The following CDADC1 variants were observed in gnomAD, a reference collection of about 807,000 sequenced individuals.
CDADC1 encodes the protein dCTP deaminase.
A neutral mutation model predicts 54.9 loss-of-function variants in CDADC1; 39 were observed. That is an observed-to-expected ratio of 0.71 (90% confidence interval 0.55 to 0.93). The LOEUF (loss-of-function observed/expected upper bound fraction) is 0.93. CDADC1 is among the 40% of genes least tolerant of loss of function. The pLI is 0.00. For synonymous variants in CDADC1, 186 were observed against 204.0 expected, an observed-to-expected ratio of 0.91 and a Z score of 0.75; for missense variants, 518 against 618.8, an observed-to-expected ratio of 0.84 and a Z score of 1.73.
At chr13:49,261,335 A>G (rs951323199) in intron 4 of CDADC1, among the ~76,000 whole-genome samples, 2 of 152,194 alleles carry the variant, frequency 1.3e-5, no homozygotes, top group South Asian at 2.1e-4. Flanking sequence ...ATTGGATTCT[A>G]TATTCTCAAC....
At chr13:49,280,153 G>GTATTCT (rs1202481017) in intron 7 of CDADC1, among the ~76,000 whole-genome samples, 2 of 152,110 alleles carry the variant, frequency 1.3e-5, no homozygotes, top group East Asian at 3.9e-4. Context: ...TCTAATTCCA[G>GTATTCT]TATTCTAAAC....
At position 49,255,893 on chromosome 13, in the gene CDADC1, G is replaced by A; in HGVS notation, c.232G>A (p.Val78Ile). ...PLGDNEERTR[V>I]STDKRQVKRT... ...AGGAGATAATGAAGAGAGGACCAGAGTATCTACTGACAAAAGACAGGTAAA... is the reference window on the plus strand; with the variant it reads ...AGGAGATAATGAAGAGAGGACCAGAATATCTACTGACAAAAGACAGGTAAA... Residue 78 changes from valine to isoleucine, a missense_variant, in exon 3 of 10, where the codon GTA (valine) becomes ATA (isoleucine). Physicochemically the swap from Val to Ile is conservative, Grantham distance 29 (BLOSUM62 3). Transcript: ENST00000251108. 1 of 1,611,290 alleles carries A rather than the reference G, an allele frequency of 6.2e-7. No homozygotes were observed. Among genetic ancestry groups the A allele is most frequent in the Non-Finnish European group, 8.5e-7 (1 of 1,179,162 alleles).
chr13:49,255,901 TGACAAA>T lies in CDADC1; in HGVS notation c.241_246del (p.Asp81_Lys82del). The T allele has an allele frequency of 6.2e-7, 1 of 1,611,156 alleles. No individual in the cohort carries two copies. Among genetic ancestry groups the T allele is most frequent in the Non-Finnish European group, 8.5e-7 (1 of 1,179,122 alleles). ...ATGAAGAGAGGACCAGAGTATCTAC[TGACAAA>T]AGACAGGTAAATTTTTATGATTTCA... On this transcript the variant is annotated inframe_deletion, in exon 3 of 10. Coordinates refer to ENST00000251108, the MANE Select transcript of CDADC1 (RefSeq NM_030911.4).
intron 5 of CDADC1, among the ~76,000 whole-genome samples, chr13:49,271,992 A>G (rs1381707381): frequency 6.6e-6 from 1 of 152,238 alleles, no homozygotes; most frequent in Non-Finnish European, 1.5e-5. Context: ...GACAAGTAGT[A>G]AAGAATATTC....
intron 2 of CDADC1, among the ~76,000 whole-genome samples, chr13:49,253,895 C>T (rs1952487047): frequency 6.6e-6 from 1 of 152,112 alleles, no homozygotes; most frequent in African/African-American, 2.4e-5. Flanking sequence ...TAAAGGCCCT[C>T]ACTGTACTTT....
chr13:49,261,521 G>A (rs1185188982), intron 4 of CDADC1, among the ~76,000 whole-genome samples: 3 of 152,206 alleles, frequency 2.0e-5, no homozygotes, highest in Admixed American at 6.5e-5. Context: ...AAGATGTAAC[G>A]TGATTGAAAT....
chr13:49,289,130 T>C (rs1479180396), intron 9 of CDADC1, among the ~76,000 whole-genome samples: 3 of 136,136 alleles, frequency 2.2e-5, no homozygotes, highest in Admixed American at 2.2e-4. Flanking sequence ...CTTTTTTTTT[T>C]TTTTTTTTTT....
At chr13:49,275,258 G>C (rs1953075369) in intron 6 of CDADC1, among the ~76,000 whole-genome samples, 1 of 151,660 alleles carries the variant, frequency 6.6e-6, no homozygotes, top group Non-Finnish European at 1.5e-5. Context: ...GCTCATTTTT[G>C]TATTTTTAGT....
At chr13:49,285,816 ATTT>A (rs144057270) in intron 8 of CDADC1, among the ~76,000 whole-genome samples, 3 of 144,500 alleles carry the variant, frequency 2.1e-5, no homozygotes, top group African/African-American at 7.6e-5. Flanking sequence ...TATTTTTTTA[ATTT>A]TTTTTTTTTT....
At position 49,255,822 on chromosome 13, in the gene CDADC1, A is replaced by G. The variant is rs549446970; in HGVS notation, c.178-17A>G. ...TATGTGCTAATCTTTTTTTTTCCTT[A>G]ATCTGATTTTTATTAGAAAAATGAA... is the stretch of plus-strand genomic sequence containing the variant. On this transcript the variant is annotated splice_polypyrimidine_tract_variant and intron_variant, in intron 2 of 9. Coordinates refer to ENST00000251108, the MANE Select transcript of CDADC1 (RefSeq NM_030911.4). The G allele has an allele frequency of 6.2e-7, 1 of 1,604,090 alleles. No homozygotes were observed. The highest frequency in any genetic ancestry group is 1.7e-5 in the Admixed American group (1 of 57,782).
At chr13:49,259,310 A>G (rs757638434) in intron 3 of CDADC1, 36 bp from the exon 4 acceptor site, 1 of 1,424,742 alleles carries the variant, frequency 7.0e-7, no homozygotes, top group East Asian at 2.3e-5. Flanking sequence ...ATTAGGTGTT[A>G]TAACTAATAA....
Position 49,278,449 on chromosome 13 carries a change from A to C in CDADC1, c.1150A>C (p.Lys384Gln), listed in dbSNP as rs1417863776. Residue 384 changes from lysine (K) to glutamine (Q), a missense_variant, in exon 7 of 10, where the codon AAG becomes CAG. By Grantham distance (53) the Lys-to-Gln change is moderately conservative. Transcript: ENST00000251108. Reference protein sequence around the residue: ...EYADFPHMDDKQKDREIRKFR... With the variant: ...EYADFPHMDDQQKDREIRKFR... ...TGCTGACTTCCCACACATGGATGAC[A>C]AGCAGAAAGACAGAGAAATAAGGAA... 6.2e-7 allele frequency: 1 copy of C among 1,604,950 alleles called. No homozygotes were observed. The highest frequency in any genetic ancestry group is 8.5e-7 in the Non-Finnish European group (1 of 1,173,204).
Position 49,247,938 on chromosome 13 carries a change from C to T in CDADC1, c.-100C>T. 1.8e-6 allele frequency: 2 copies of T among 1,084,118 alleles called. No individual in the cohort carries two copies. Among genetic ancestry groups the T allele is most frequent in the Admixed American group, 2.0e-5 (1 of 49,874 alleles). The allele number at this position is 1,084,118 out of a possible 1,614,324, so 67.2% of individuals were successfully genotyped here. A position where few individuals can be genotyped will look rare whatever the true frequency, so the allele number is the denominator to read the frequency against. ...CTGGCTGCGCCTAGTGGGCCGTTGC[C>T]TTACAGTTGCTGAGAGGAGGCGAGA... On this transcript the variant is annotated 5_prime_UTR_variant, in exon 1 of 10. Coordinates refer to ENST00000251108, the MANE Select transcript of CDADC1 (RefSeq NM_030911.4).
intron 2 of CDADC1, 25 bp from the exon 3 acceptor site, chr13:49,255,814 T>C (rs1296730998): frequency 6.2e-7 from 1 of 1,606,434 alleles, no homozygotes; most frequent in South Asian, 1.1e-5. Flanking sequence ...TAATCTTTTT[T>C]TTTCCTTAAT....
chr13:49,260,577 A>G (rs147492370), intron 4 of CDADC1, among the ~76,000 whole-genome samples: 1 of 152,318 alleles, frequency 6.6e-6, no homozygotes, highest in Non-Finnish European at 1.5e-5. Flanking sequence ...CTTTGGAAGG[A>G]GGAACACAAA....
intron 5 of CDADC1, 149 bp from the exon 6 acceptor site, chr13:49,274,142 A>G: frequency 1.7e-6 from 1 of 584,642 alleles, no homozygotes; most frequent in Non-Finnish European, 3.0e-6. Context: ...GTTTATTTTA[A>G]TACTTTTCTG....
chr13:49,267,897 A>G lies in CDADC1; in HGVS notation c.838A>G (p.Ile280Val), dbSNP rs749895203. Residue 280 changes from isoleucine (I) to valine (V), a missense_variant, in exon 5 of 10, where the codon ATC (isoleucine) becomes GTC (valine). Coordinates refer to ENST00000251108, the MANE Select transcript of CDADC1 (RefSeq NM_030911.4). ...SNLRQNMKDLILLLATVASSV... is the reference protein window; with the variant it reads ...SNLRQNMKDLVLLLATVASSV... ...TCTAAGGCAAAACATGAAAGACCTTATCCTACTTTTGGCCACAGTAGCTTC... is the reference window on the plus strand; with the variant it reads ...TCTAAGGCAAAACATGAAAGACCTTGTCCTACTTTTGGCCACAGTAGCTTC... 1 of 1,614,180 alleles carries G rather than the reference A, an allele frequency of 6.2e-7. No individual in the cohort carries two copies. The highest frequency in any genetic ancestry group is 8.5e-7 in the Non-Finnish European group (1 of 1,180,026).
intron 5 of CDADC1, among the ~76,000 whole-genome samples, chr13:49,268,541 T>C (rs1485486301): frequency 6.6e-6 from 1 of 152,058 alleles, no homozygotes; most frequent in African/African-American, 2.4e-5. Flanking sequence ...GGTGCGTGCC[T>C]ATAGTCCCGG....
intron 9 of CDADC1, among the ~76,000 whole-genome samples, chr13:49,287,903 G>A (rs1316082690): frequency 6.6e-6 from 1 of 151,632 alleles, no homozygotes; most frequent in Non-Finnish European, 1.5e-5. Context: ...GCATGAAGAG[G>A]TTGAGGCTGC....
Sources: gnomAD v4.1 joint callset for allele counts (sites outside exome capture counted in the v4.1 genomes callset) on GRCh38, gnomAD v4.1.1 for gene constraint, MANE v1.5 for transcripts, NCBI Gene and HGNC (gene_info 2026-07-23, HGNC 2026-07-21) for gene names.